Variants in CDC42EP3 observed in about 807,000 individuals in gnomAD.
CDC42EP3 encodes CDC42 effector protein (Rho GTPase binding) 3.
CDC42EP3 carries 4 observed loss-of-function variants against 15.5 expected under a neutral mutation model. The ratio of observed to expected loss-of-function variants is 0.26; its 90% CI spans 0.13 to 0.59. The LOEUF is 0.59. Among genes scored for constraint, CDC42EP3 ranks in the 20% least tolerant of loss-of-function variants. The pLI is 0.89. For synonymous variants in CDC42EP3, 145 were observed against 130.3 expected, an observed-to-expected ratio of 1.11 and a Z score of -0.77; for missense variants, 309 against 311.2, an observed-to-expected ratio of 0.99 and a Z score of 0.05.
chr2:37,664,001 C>T (rs187897879), intron 1 of CDC42EP3, among the ~76,000 whole-genome samples: 5 of 152,198 alleles, frequency 3.3e-5, no homozygotes, highest in African/African-American at 7.2e-5. Flanking sequence ...GGTGAAGCCC[C>T]GTCTCTATTA....
intron 1 of CDC42EP3, among the ~76,000 whole-genome samples, chr2:37,667,419 C>G (rs1446942953): frequency 6.6e-6 from 1 of 152,158 alleles, no homozygotes; most frequent in Non-Finnish European, 1.5e-5. Flanking sequence ...CAACCCCGGG[C>G]TCCCCAGAAT....
intron 1 of CDC42EP3, chr2:37,647,549 A>C (rs970087622): frequency 6.6e-6 from 1 of 152,248 alleles, no homozygotes; most frequent in Non-Finnish European, 1.5e-5. Context: ...AAACATTGTG[A>C]ATCTCTATTA....
At chr2:37,660,921 C>T (rs1322192107) in intron 1 of CDC42EP3, among the ~76,000 whole-genome samples, 1 of 152,100 alleles carries the variant, frequency 6.6e-6, no homozygotes, top group African/African-American at 2.4e-5. Flanking sequence ...GACCAGTAAT[C>T]ATTGGAAGGG....
chr2:37,656,546 C>T (rs1401137051), intron 1 of CDC42EP3, among the ~76,000 whole-genome samples: 1 of 152,216 alleles, frequency 6.6e-6, no homozygotes, highest in Non-Finnish European at 1.5e-5. Flanking sequence ...AGAGTACTAG[C>T]TAGCATGAGT....
intron 1 of CDC42EP3, among the ~76,000 whole-genome samples, chr2:37,654,625 G>T (rs533216436): frequency 1.3e-5 from 2 of 152,162 alleles, no homozygotes; most frequent in South Asian, 4.1e-4. Flanking sequence ...CTGACAGTGC[G>T]TGAAGGGAGG....
intron 1 of CDC42EP3, among the ~76,000 whole-genome samples, chr2:37,657,001 C>CCCCCCCCCCG (rs1208218676): frequency 6.8e-5 from 7 of 103,270 alleles, no homozygotes; most frequent in Admixed American, 3.5e-4. Context: ...CCCCCCGCCC[C>CCCCCCCCCCG]CCGCCATCCT....
Position 37,645,135 on chromosome 2 carries a change from T to C in CDC42EP3, c.*688A>G, listed in dbSNP as rs1207742032. The C allele has an allele frequency of 1.3e-5, 2 of 152,670 alleles. No individual in the cohort carries two copies. Among genetic ancestry groups the C allele is most frequent in the Admixed American group, 1.3e-4 (2 of 15,304 alleles). The allele number at this position is 152,670 out of a possible 1,614,324, so 9.5% of individuals were successfully genotyped here. On this transcript the variant is annotated 3_prime_UTR_variant, in exon 2 of 2. Transcript: ENST00000295324. ...GTGACAACATCTGATGTAGAATCTA[T>C]AAAATGTAGACTCTGCAATAAAAAG...
At chr2:37,659,281 C>A (rs966930961) in intron 1 of CDC42EP3, among the ~76,000 whole-genome samples, 3 of 152,184 alleles carry the variant, frequency 2.0e-5, no homozygotes, top group Non-Finnish European at 2.9e-5. Flanking sequence ...ATTGAAAATG[C>A]AAGATGGAAT....
rs543468062 is a variant in CDC42EP3 at position 37,643,665 on chromosome 2, G to A, written c.*2158C>T. On this transcript the variant is annotated 3_prime_UTR_variant, in exon 2 of 2. Coordinates refer to ENST00000295324, the MANE Select transcript of CDC42EP3 (RefSeq NM_006449.5). Reference sequence around the variant, plus strand: ...GCTACAGATGAAGAGTAAAATGAAAGACTGAATATGATCAATACTAATTAA... The same window carrying A: ...GCTACAGATGAAGAGTAAAATGAAAAACTGAATATGATCAATACTAATTAA... 1.3e-5 allele frequency: 2 copies of A among 152,306 alleles called. No individual in the cohort carries two copies. The allele number at this position is 152,306 out of a possible 1,614,324, so 9.4% of individuals were successfully genotyped here.
At chr2:37,668,174 C>T (rs538560988) in intron 1 of CDC42EP3, among the ~76,000 whole-genome samples, 5 of 152,116 alleles carry the variant, frequency 3.3e-5, no homozygotes, top group Non-Finnish European at 5.9e-5. Context: ...GCCCCATATT[C>T]ACCTATTTTC....
At chr2:37,660,788 TA>T (rs11315857) in intron 1 of CDC42EP3, among the ~76,000 whole-genome samples, 44,818 of 146,362 alleles carry the variant, frequency 0.31, 6,969 homozygotes, top group East Asian at 0.58. Context: ...ACCTTAAGGT[TA>T]AAAAAAAAAA....
At chr2:37,651,721 A>G (rs1054055790) in intron 1 of CDC42EP3, among the ~76,000 whole-genome samples, 3 of 152,204 alleles carry the variant, frequency 2.0e-5, no homozygotes, top group African/African-American at 7.2e-5. Context: ...GCTGCTGGCC[A>G]GGGCATGAGC....
intron 1 of CDC42EP3, among the ~76,000 whole-genome samples, chr2:37,666,297 T>C (rs901987002): frequency 6.6e-6 from 1 of 152,212 alleles, no homozygotes; most frequent in Admixed American, 6.5e-5. Context: ...ATTCACTATA[T>C]ACACTGGCTT....
intron 1 of CDC42EP3, among the ~76,000 whole-genome samples, chr2:37,656,204 G>A (rs1038356477): frequency 3.3e-5 from 5 of 152,184 alleles, no homozygotes; most frequent in African/African-American, 9.7e-5. Flanking sequence ...TCTGGTAGTC[G>A]TCATTCTACT....
At position 37,645,167 on chromosome 2, in the gene CDC42EP3, G is replaced by T. The variant is rs1269603815; in HGVS notation, c.*656C>A. The T allele has an allele frequency of 6.6e-6, 1 of 152,474 alleles. No individual in the cohort carries two copies. The highest frequency in any genetic ancestry group is 1.5e-5 in the Non-Finnish European group (1 of 68,034). 9.4% of individuals were successfully genotyped at this position (152,474 alleles called of 1,614,324 possible). A position where few individuals can be genotyped will look rare whatever the true frequency, so the allele number is the denominator to read the frequency against. ...TAGACTCTGCAATAAAAAGCCAAAG[G>T]CACGTAAAAATATATTTTAACTTTA... On this transcript the variant is annotated 3_prime_UTR_variant, in exon 2 of 2. Transcript: ENST00000295324.
In CDC42EP3 at chr2:37,645,842, A is replaced by G; in HGVS notation, c.746T>C (p.Val249Ala). Residue 249 changes from valine (V) to alanine (A), a missense_variant, in exon 2 of 2, where the codon GTA becomes GCA. Transcript: ENST00000295324. Reference protein sequence around the residue: ...GPSLLDEVLNVMDKNK With the variant: ...GPSLLDEVLNAMDKNK ...ATCTTGTTACTTATTTTTATCCATT[A>G]CATTCAGCACCTCATCCAAAAGTGA... 1 of 1,539,902 alleles carries G rather than the reference A, an allele frequency of 6.5e-7. No homozygotes were observed. The highest frequency in any genetic ancestry group is 8.7e-7 in the Non-Finnish European group (1 of 1,147,642).
intron 1 of CDC42EP3, among the ~76,000 whole-genome samples, chr2:37,669,233 TAAA>T (rs577020049): frequency 7.4e-5 from 9 of 121,376 alleles, no homozygotes; most frequent in African/African-American, 9.2e-5. Context: ...ATGGCCTGGC[TAAA>T]AAAAAAAAAA....
chr2:37,645,652 T>C lies in CDC42EP3; in HGVS notation c.*171A>G. The C allele has an allele frequency of 3.8e-6, 2 of 531,478 alleles. No individual in the cohort carries two copies. Among genetic ancestry groups the C allele is most frequent in the Non-Finnish European group, 6.3e-6 (2 of 318,682 alleles). The allele number at this position is 531,478 out of a possible 1,614,324, so 32.9% of individuals were successfully genotyped here. On this transcript the variant is annotated 3_prime_UTR_variant, in exon 2 of 2. Transcript: ENST00000295324. ...GATAGGTTTTGCTTTGTTGTTTTTT[T>C]CTAAATTGTTTTTGCAAACAGGGCA...
rs542381586 is a variant in CDC42EP3, at chr2:37,661,333, G to C, written c.-236+10093C>G. ...ACTTGCTTACATACATGACACAGTT[G>C]CTAGATGGGTCAATTACTTGTAATC... On this transcript the variant is annotated intron_variant, in intron 1 of 1. Transcript: ENST00000295324. 2.1e-4 allele frequency among the ~76,000 whole-genome samples: 32 copies of C among 152,290 alleles called. 1 individual carries two copies. In the South Asian group the frequency reaches 6.4e-3, roughly 31 times the overall value.
Sources: allele counts gnomAD v4.1 joint callset (sites outside exome capture counted in the v4.1 genomes callset), GRCh38; gene constraint gnomAD v4.1.1; transcripts MANE v1.5; gene names NCBI Gene and HGNC (gene_info 2026-07-23, HGNC 2026-07-21).